LHFPL3: variants seen among roughly 807,000 people sequenced by gnomAD.
LHFPL3 encodes the protein LHFPL tetraspan subfamily member 3 protein.
In LHFPL3, 5 loss-of-function variants were observed where a neutral mutation model predicts 19.3. The observed-to-expected ratio is 0.26, with a 90% CI of 0.14 to 0.54. The LOEUF (loss-of-function observed/expected upper bound fraction) is 0.54, where lower values mean the gene tolerates loss of function less well. Among genes scored for constraint, LHFPL3 ranks in the 20% least tolerant of loss-of-function variants. The pLI, the probability that LHFPL3 is intolerant of heterozygous loss-of-function variation, is 0.94. For missense variants in LHFPL3, 249 were observed against 307.4 expected, an observed-to-expected ratio of 0.81 and a Z score of 1.42; for synonymous variants, 133 against 126.2, an observed-to-expected ratio of 1.05 and a Z score of -0.36.
rs71296520 is a variant in LHFPL3 at position 104,338,093 on chromosome 7, C to CTTTTTTTTTT, written c.445+8883_445+8892dup. 1.5e-3 allele frequency among the ~76,000 whole-genome samples: 128 copies of CTTTTTTTTTT among 85,852 alleles called. 6 individuals are homozygous for CTTTTTTTTTT. The highest frequency in any genetic ancestry group is 2.4e-3 in the African/African-American group (51 of 21,338). The allele number at this position is 85,852 out of a possible 152,430, so 56.3% of individuals were successfully genotyped here. On this transcript the variant is annotated intron_variant, in intron 1 of 2. Transcript: ENST00000424859. ...TTATGATACCTTTATTTTCCTTTTT[C>CTTTTTTTTTT]TTTTTTTTTTTTTTTTTTTTTTTGA...
At chr7:104,627,204 T>C (rs557559918) in intron 1 of LHFPL3, among the ~76,000 whole-genome samples, 16 of 152,230 alleles carry the variant, frequency 1.1e-4, no homozygotes, top group African/African-American at 3.1e-4. Flanking sequence ...AGATTCCACA[T>C]ATAATTACAA....
chr7:104,782,867 A>G (rs1306577209), intron 2 of LHFPL3, among the ~76,000 whole-genome samples: 2 of 152,254 alleles, frequency 1.3e-5, no homozygotes, highest in Non-Finnish European at 2.9e-5. Flanking sequence ...GCCTTTGTAC[A>G]TTCCGTTCCC....
chr7:104,542,232 C>A (rs1308009440), intron 1 of LHFPL3, among the ~76,000 whole-genome samples: 1 of 152,068 alleles, frequency 6.6e-6, no homozygotes, highest in Non-Finnish European at 1.5e-5. Context: ...AAAGTGTTTT[C>A]TGGCCCATGA....
chr7:104,594,637 A>G (rs941158593), intron 1 of LHFPL3, among the ~76,000 whole-genome samples: 3 of 152,146 alleles, frequency 2.0e-5, no homozygotes, highest in African/African-American at 4.8e-5. Flanking sequence ...AGTGTTTTCC[A>G]CCTTGGTTCC....
chr7:104,371,924 A>C (rs1315143536), intron 1 of LHFPL3, among the ~76,000 whole-genome samples: 2 of 152,168 alleles, frequency 1.3e-5, no homozygotes, highest in African/African-American at 4.8e-5. Context: ...CTGGAGCAGA[A>C]TTTTCTCGCT....
chr7:104,550,395 A>G (rs1256372642), intron 1 of LHFPL3, among the ~76,000 whole-genome samples: 1 of 152,048 alleles, frequency 6.6e-6, no homozygotes, highest in Non-Finnish European at 1.5e-5. Flanking sequence ...AGGCGGTGGG[A>G]TGATTGGAGG....
intron 1 of LHFPL3, among the ~76,000 whole-genome samples, chr7:104,645,654 CTTTTTTTTT>C (rs869151153): frequency 1.5e-4 from 12 of 81,618 alleles, no homozygotes; most frequent in African/African-American, 2.6e-4. Flanking sequence ...ATTGGGTTTT[CTTTTTTTTT>C]TTTTTTTTTT....
intron 1 of LHFPL3, among the ~76,000 whole-genome samples, chr7:104,679,241 TGA>T (rs1792648690): frequency 6.6e-6 from 1 of 152,226 alleles, no homozygotes; most frequent in African/African-American, 2.4e-5. Context: ...TGACAGAAAC[TGA>T]GACCTCAACT....
At chr7:104,386,155 C>CA (rs1425960758) in intron 1 of LHFPL3, among the ~76,000 whole-genome samples, 3 of 152,070 alleles carry the variant, frequency 2.0e-5, no homozygotes, top group South Asian at 2.1e-4. Context: ...ACCAAACAAA[C>CA]AAAAAACAGC....
intron 2 of LHFPL3, among the ~76,000 whole-genome samples, chr7:104,763,643 G>A (rs1794411652): frequency 6.6e-6 from 1 of 152,142 alleles, no homozygotes; most frequent in Admixed American, 6.5e-5. Context: ...CTACTTCTCA[G>A]CTTCACAGGT....
At chr7:104,754,067 T>A (rs1453025021) in intron 2 of LHFPL3, among the ~76,000 whole-genome samples, 1 of 152,126 alleles carries the variant, frequency 6.6e-6, no homozygotes, top group Admixed American at 6.6e-5. Flanking sequence ...GAGCATTACT[T>A]GTGGTGGGGA....
rs76011946 is a variant in LHFPL3 at position 104,810,728 on chromosome 7, A to C, written c.682+73817A>C. On this transcript the variant is annotated intron_variant, in intron 2 of 2. Transcript: ENST00000424859. ...AGCTTGTATTTGGCAGACCAGACACATGACAATTCTAGTTTTGGAATATAT... is the reference window on the plus strand; with the variant it reads ...AGCTTGTATTTGGCAGACCAGACACCTGACAATTCTAGTTTTGGAATATAT... Among the ~76,000 whole-genome samples, 1,112 of 152,350 alleles carry C rather than the reference A, an allele frequency of 7.3e-3. 13 individuals are homozygous for C. Among genetic ancestry groups the C allele is most frequent in the African/African-American group, 0.025 (1,058 of 41,572 alleles).
intron 1 of LHFPL3, among the ~76,000 whole-genome samples, chr7:104,691,551 A>C (rs1792906271): frequency 6.6e-6 from 1 of 152,234 alleles, no homozygotes; most frequent in African/African-American, 2.4e-5. Context: ...CCTGCTGTGC[A>C]TTTTGCTTGG....
intron 1 of LHFPL3, among the ~76,000 whole-genome samples, chr7:104,517,017 A>C (rs190042292): frequency 5.2e-4 from 79 of 152,292 alleles, no homozygotes; most frequent in African/African-American, 1.9e-3. Context: ...CCGGAGGTCA[A>C]TATCCTTAGC....
intron 1 of LHFPL3, among the ~76,000 whole-genome samples, chr7:104,536,604 C>G (rs1227490922): frequency 6.6e-6 from 1 of 152,184 alleles, no homozygotes; most frequent in Non-Finnish European, 1.5e-5. Flanking sequence ...GTGATCTGAT[C>G]TTGCTGAAGA....
chr7:104,447,899 T>C (rs1275463634), intron 1 of LHFPL3, among the ~76,000 whole-genome samples: 1 of 152,136 alleles, frequency 6.6e-6, no homozygotes, highest in Non-Finnish European at 1.5e-5. Flanking sequence ...ACACATGTAC[T>C]ATGTTAAGTT....
At chr7:104,355,460 C>A (rs1367666024) in intron 1 of LHFPL3, among the ~76,000 whole-genome samples, 1 of 152,212 alleles carries the variant, frequency 6.6e-6, no homozygotes, top group Non-Finnish European at 1.5e-5. Flanking sequence ...CACTCTGCTA[C>A]AGCCAGAGTA....
rs182615188 is a variant in LHFPL3, at chr7:104,702,691, C to G, written c.446-33984C>G. ...GCACTCTTAACTAATTGGCATTAGG[C>G]ACTTGGAGGAGAATGGGGCAATGGC... On this transcript the variant is annotated intron_variant, in intron 1 of 2. Transcript: ENST00000424859. Among the ~76,000 whole-genome samples the G allele has an allele frequency of 7.5e-4, 114 of 152,294 alleles. 1 individual carries two copies. The highest frequency in any genetic ancestry group is 2.7e-3 in the African/African-American group (111 of 41,558).
chr7:104,430,428 A>ATG lies in LHFPL3; in HGVS notation c.445+101205_445+101206insGT, dbSNP rs1562895251. Among the ~76,000 whole-genome samples, 18 of 11,460 alleles carry ATG rather than the reference A, an allele frequency of 1.6e-3. 1 individual carries two copies. Among genetic ancestry groups the ATG allele is most frequent in the East Asian group, 0.011 (5 of 456 alleles). The allele number at this position is 11,460 out of a possible 152,430, so 7.5% of individuals were successfully genotyped here. A position where few individuals can be genotyped will look rare whatever the true frequency, so the allele number is the denominator to read the frequency against. ...TACATATATATATATACATATATAT[A>ATG]TATATATATATATATATATATATAT... is the stretch of plus-strand genomic sequence containing the variant. On this transcript the variant is annotated intron_variant, in intron 1 of 2. Coordinates refer to ENST00000424859, the MANE Select transcript of LHFPL3 (RefSeq NM_199000.3).
Sources: allele counts gnomAD v4.1 joint callset (sites outside exome capture counted in the v4.1 genomes callset), GRCh38; gene constraint gnomAD v4.1.1; transcripts MANE v1.5; gene names NCBI Gene and HGNC (gene_info 2026-07-23, HGNC 2026-07-21).